PTCHD4: variants seen among roughly 807,000 people sequenced by gnomAD.
PTCHD4 encodes patched domain containing 4.
Under a neutral mutation model 58.1 loss-of-function variants are expected in PTCHD4, and 33 were observed. The observed-to-expected ratio is 0.57, with a 90% confidence interval of 0.43 to 0.76. PTCHD4 has a LOEUF of 0.76. Among genes scored for constraint, PTCHD4 ranks in the 30% least tolerant of loss-of-function variants. The pLI is 0.00. For missense variants in PTCHD4, 1,058 were observed against 1,027.1 expected, an observed-to-expected ratio of 1.03 and a Z score of -0.41; for synonymous variants, 478 against 409.6, an observed-to-expected ratio of 1.17 and a Z score of -2.02.
At chr6:48,097,425 A>C (rs1478897905) in intron 1 of PTCHD4, among the ~76,000 whole-genome samples, 1 of 152,204 alleles carries the variant, frequency 6.6e-6, no homozygotes, top group Non-Finnish European at 1.5e-5. Context: ...AGAAGTGTAG[A>C]TCATACCACA....
intron 4 of PTCHD4, among the ~76,000 whole-genome samples, chr6:47,922,463 C>T (rs974580950): frequency 3.9e-5 from 6 of 152,140 alleles, no homozygotes; most frequent in African/African-American, 7.2e-5. Context: ...CTGGCTCCTT[C>T]GTGGGAATTA....
chr6:47,997,216 T>G (rs552311409), intron 4 of PTCHD4, among the ~76,000 whole-genome samples: 1 of 152,214 alleles, frequency 6.6e-6, no homozygotes, highest in African/African-American at 2.4e-5. Context: ...TTTCATTCGA[T>G]GAAGTGAGCC....
intron 4 of PTCHD4, among the ~76,000 whole-genome samples, chr6:47,970,702 T>G (rs1362632267): frequency 6.6e-6 from 1 of 152,176 alleles, no homozygotes; most frequent in East Asian, 1.9e-4. Context: ...GATTGCTTTG[T>G]TTTTTGTTCC....
intron 3 of PTCHD4, among the ~76,000 whole-genome samples, chr6:48,051,159 A>G (rs1764220911): frequency 1.3e-5 from 2 of 151,962 alleles, no homozygotes; most frequent in South Asian, 4.1e-4. Context: ...TGATTTAAAG[A>G]TTTAATATGA....
chr6:47,899,143 C>T (rs1452415339), intron 4 of PTCHD4, among the ~76,000 whole-genome samples: 1 of 152,196 alleles, frequency 6.6e-6, no homozygotes, highest in African/African-American at 2.4e-5. Context: ...TAAAATATCA[C>T]ATCCGCCACA....
Position 47,858,570 on chromosome 6 carries a change from C to T in PTCHD4, c.*19733G>A, listed in dbSNP as rs954591026. On this transcript the variant is annotated 3_prime_UTR_variant, in exon 5 of 5. Transcript: ENST00000339488. ...ATTTTTTACCACAGATAATGGAATG[C>T]TACTTGACCAACATAAATTATCAAT... Among the ~76,000 whole-genome samples, 1 of 151,960 alleles carries T rather than the reference C, an allele frequency of 6.6e-6. No individual in the cohort carries two copies. The highest frequency in any genetic ancestry group is 2.4e-5 in the African/African-American group (1 of 41,424).
At chr6:48,040,966 G>T (rs1217834306) in intron 3 of PTCHD4, among the ~76,000 whole-genome samples, 2 of 152,162 alleles carry the variant, frequency 1.3e-5, no homozygotes, top group African/African-American at 2.4e-5. Context: ...CTTCAAAATT[G>T]CATCGTTAAT....
chr6:47,905,071 A>ACACACACG (rs1764834633), intron 4 of PTCHD4, among the ~76,000 whole-genome samples: 1 of 151,868 alleles, frequency 6.6e-6, no homozygotes, highest in African/African-American at 2.4e-5. Context: ...ACACACACAC[A>ACACACACG]CACACACACA....
At chr6:48,100,851 C>T (rs530126301) in intron 1 of PTCHD4, among the ~76,000 whole-genome samples, 7 of 152,144 alleles carry the variant, frequency 4.6e-5, no homozygotes, top group Non-Finnish European at 1.0e-4. Context: ...GAATCCTGAC[C>T]AAAACCTCAA....
chr6:48,063,967 C>G (rs1764712614), intron 3 of PTCHD4, among the ~76,000 whole-genome samples: 1 of 152,082 alleles, frequency 6.6e-6, no homozygotes, highest in Non-Finnish European at 1.5e-5. Flanking sequence ...AGCATGCACC[C>G]AAAATGTACC....
chr6:48,061,965 T>C (rs1764643407), intron 3 of PTCHD4, among the ~76,000 whole-genome samples: 1 of 151,982 alleles, frequency 6.6e-6, no homozygotes, highest in Non-Finnish European at 1.5e-5. Context: ...GAGGTTGGAA[T>C]TTTCATATTT....
intron 1 of PTCHD4, among the ~76,000 whole-genome samples, chr6:48,076,003 C>T (rs1181788244): frequency 6.6e-6 from 1 of 152,222 alleles, no homozygotes; most frequent in Non-Finnish European, 1.5e-5. Context: ...ATTTCACCCA[C>T]TGCGGAACTT....
rs1160500304 is a variant in PTCHD4 at position 47,868,709 on chromosome 6, T to C, written c.*9594A>G. ...TGCAAATAGGTTCCAAATGTCCAGC[T>C]TAATTTTTCTGAGTTCTTATTTCAT... On this transcript the variant is annotated 3_prime_UTR_variant, in exon 5 of 5. Coordinates refer to ENST00000339488, the MANE Select transcript of PTCHD4 (RefSeq NM_001384253.1). Among the ~76,000 whole-genome samples the C allele has an allele frequency of 6.6e-6, 1 of 151,780 alleles. No homozygotes were observed. The highest frequency in any genetic ancestry group is 1.5e-5 in the Non-Finnish European group (1 of 67,808).
intron 4 of PTCHD4, among the ~76,000 whole-genome samples, chr6:47,992,345 G>C (rs916477278): frequency 9.9e-5 from 15 of 152,108 alleles, no homozygotes; most frequent in Admixed American, 4.6e-4. Context: ...TAACATATGT[G>C]GTGAAACTAT....
chr6:48,021,553 A>G (rs538488937), intron 3 of PTCHD4, among the ~76,000 whole-genome samples: 1 of 152,248 alleles, frequency 6.6e-6, no homozygotes, highest in African/African-American at 2.4e-5. Context: ...CAACCAAACA[A>G]TAATTATTTT....
intron 4 of PTCHD4, among the ~76,000 whole-genome samples, chr6:47,947,367 C>A (rs959316380): frequency 3.3e-5 from 5 of 152,046 alleles, no homozygotes; most frequent in Admixed American, 6.6e-5. Flanking sequence ...TTAATATTTA[C>A]CAGAGAGTTT....
chr6:48,098,796 T>C (rs970446988), intron 1 of PTCHD4, among the ~76,000 whole-genome samples: 1 of 152,178 alleles, frequency 6.6e-6, no homozygotes, highest in South Asian at 2.1e-4. Context: ...CCTGTTTGAG[T>C]AGCTATGGGT....
At chr6:48,040,494 A>G (rs1763807620) in intron 3 of PTCHD4, among the ~76,000 whole-genome samples, 1 of 151,926 alleles carries the variant, frequency 6.6e-6, no homozygotes, top group Non-Finnish European at 1.5e-5. Flanking sequence ...TGTCTGGTGC[A>G]TCCTATTTCC....
At chr6:47,938,479 A>T (rs143241816) in intron 4 of PTCHD4, among the ~76,000 whole-genome samples, 118 of 152,332 alleles carry the variant, frequency 7.7e-4, no homozygotes, top group Non-Finnish European at 1.2e-3. Context: ...GTAGATTGTG[A>T]TCCTACGGAA....
Sources: gnomAD v4.1 joint callset for allele counts (sites outside exome capture counted in the v4.1 genomes callset) on GRCh38, gnomAD v4.1.1 for gene constraint, MANE v1.5 for transcripts, NCBI Gene and HGNC (gene_info 2026-07-23, HGNC 2026-07-21) for gene names.